The following GLYATL1 variants were observed in gnomAD, a reference collection of about 807,000 sequenced individuals.
The protein encoded by GLYATL1 is glycine N-acyltransferase-like protein 1.
A neutral mutation model predicts 20.0 loss-of-function variants in GLYATL1; 15 were observed. The observed-to-expected ratio is 0.75, with a 90% CI of 0.50 to 1.15. GLYATL1 has a LOEUF of 1.15. GLYATL1 is among the 50% of genes most tolerant of loss of function. GLYATL1 has a pLI of 0.00. For synonymous variants in GLYATL1, 151 were observed against 131.5 expected (o/e 1.15, Z -1.01); for missense variants, 380 against 368.5 (o/e 1.03, Z -0.26).
chr11:58,946,731 T>C (rs1377077872), intron 2 of GLYATL1: 8 of 363,220 alleles, frequency 2.2e-5, no homozygotes, highest in African/African-American at 6.3e-5. Context: ...AAACTTATGA[T>C]GGTAGTGGTG....
downstream of GLYATL1, among the ~76,000 whole-genome samples, chr11:58,910,239 G>A (rs79569081): frequency 6.7e-3 from 1,017 of 152,234 alleles, 10 homozygotes; most frequent in African/African-American, 0.023. Context: ...AATTCCATGT[G>A]TAGGTTTCTG....
Position 58,915,562 on chromosome 11 carries a change from G to A in GLYATL1, n.264+9901G>A, listed in dbSNP as rs116242833. Among the ~76,000 whole-genome samples, 842 of 152,190 alleles carry A rather than the reference G, an allele frequency of 5.5e-3. 9 individuals are homozygous for A. The highest frequency in any genetic ancestry group is 0.02 in the African/African-American group (810 of 41,502). ...AGGAATTCTCAAAGCCTGGCCCCTG[G>A]GCCAGCAAGATCAACACAATCTGAA... On this transcript the variant is annotated intron_variant and non_coding_transcript_variant, in intron 1 of 2. Transcript: ENST00000534674.
At chr11:58,942,171 G>A (rs1451990205) in intron 1 of GLYATL1, among the ~76,000 whole-genome samples, 1 of 152,180 alleles carries the variant, frequency 6.6e-6, no homozygotes, top group Non-Finnish European at 1.5e-5. Flanking sequence ...CAACAGATGT[G>A]TGTTGAAGCC....
At chr11:58,929,338 T>A (rs1358876327) in intron 1 of GLYATL1, among the ~76,000 whole-genome samples, 2 of 152,228 alleles carry the variant, frequency 1.3e-5, no homozygotes, top group African/African-American at 4.8e-5. Flanking sequence ...TACCAAACTC[T>A]TCTTCTATGT....
upstream of GLYATL1, among the ~76,000 whole-genome samples, chr11:58,937,893 G>T (rs1394898148): frequency 2.6e-5 from 4 of 152,236 alleles, no homozygotes; most frequent in Admixed American, 1.3e-4. Context: ...TACACAGAGG[G>T]TGGGGCTCCA....
intron 1 of GLYATL1, among the ~76,000 whole-genome samples, chr11:58,917,499 A>C (rs1855202983): frequency 6.6e-6 from 1 of 152,228 alleles, no homozygotes; most frequent in Admixed American, 6.5e-5. Flanking sequence ...AGGCAGAAGA[A>C]AGGCAGTTAA....
At chr11:58,923,860 T>C (rs1855364303), upstream of GLYATL1, among the ~76,000 whole-genome samples, 1 of 152,240 alleles carries the variant, frequency 6.6e-6, no homozygotes, top group Non-Finnish European at 1.5e-5. Context: ...CTACATAGAT[T>C]ACCTGTCACC....
chr11:58,926,307 A>G (rs1030538436), upstream of GLYATL1, among the ~76,000 whole-genome samples: 4 of 152,316 alleles, frequency 2.6e-5, 1 homozygote, highest in Admixed American at 1.3e-4. Context: ...CCTAGCAGTG[A>G]TGTCATCACC....
chr11:58,948,788 C>T (rs1856768543), intron 4 of GLYATL1, among the ~76,000 whole-genome samples: 1 of 152,222 alleles, frequency 6.6e-6, no homozygotes, highest in Non-Finnish European at 1.5e-5. Context: ...TTAATATCTC[C>T]AATTTACAGA....
At chr11:58,949,892 T>G (rs1267525651) in intron 4 of GLYATL1, among the ~76,000 whole-genome samples, 1 of 151,962 alleles carries the variant, frequency 6.6e-6, no homozygotes, top group Admixed American at 6.6e-5. Flanking sequence ...AGATAATCTA[T>G]GTTGATTATA....
chr11:58,921,757 C>T (rs117061742), intron 1 of GLYATL1, among the ~76,000 whole-genome samples: 5 of 152,294 alleles, frequency 3.3e-5, no homozygotes, highest in Non-Finnish European at 7.4e-5. Flanking sequence ...CCTTCTTTGC[C>T]TTCTGATCTC....
intron 1 of GLYATL1, among the ~76,000 whole-genome samples, chr11:58,917,684 C>T (rs1855207784): frequency 6.6e-6 from 1 of 152,212 alleles, no homozygotes; most frequent in African/African-American, 2.4e-5. Context: ...ATGACCTTCA[C>T]TTGCTGCATA....
chr11:58,938,768 C>G (rs907977901), upstream of GLYATL1, among the ~76,000 whole-genome samples: 1 of 152,172 alleles, frequency 6.6e-6, no homozygotes, highest in Non-Finnish European at 1.5e-5. Flanking sequence ...AGCCGTATCC[C>G]TCTGCACCCC....
At chr11:58,929,704 G>C (rs559402062) in intron 1 of GLYATL1, among the ~76,000 whole-genome samples, 1 of 152,278 alleles carries the variant, frequency 6.6e-6, no homozygotes, top group African/African-American at 2.4e-5. Flanking sequence ...CTCAGACCTA[G>C]GTAATTTCCT....
intron 1 of GLYATL1, among the ~76,000 whole-genome samples, chr11:58,922,260 C>A (rs1372657281): frequency 1.3e-5 from 2 of 152,212 alleles, no homozygotes; most frequent in African/African-American, 4.8e-5. Flanking sequence ...CTGTTTCAGT[C>A]TGGCCCAGTT....
intron 1 of GLYATL1, among the ~76,000 whole-genome samples, chr11:58,931,328 T>G (rs1320487344): frequency 6.6e-6 from 1 of 152,192 alleles, no homozygotes; most frequent in Non-Finnish European, 1.5e-5. Context: ...TGATCACATT[T>G]TAACTAAGTT....
At chr11:58,953,405 T>TC (rs1481739884) in intron 4 of GLYATL1, among the ~76,000 whole-genome samples, 5 of 151,338 alleles carry the variant, frequency 3.3e-5, no homozygotes, top group South Asian at 2.1e-4. Flanking sequence ...TTTTTTTTTT[T>TC]TGCTTTTTTC....
At chr11:58,933,331 T>G (rs1022647731) in intron 1 of GLYATL1, among the ~76,000 whole-genome samples, 40 of 152,150 alleles carry the variant, frequency 2.6e-4, no homozygotes, top group African/African-American at 9.7e-4. Flanking sequence ...AGGAAATCAC[T>G]ATTCCTATAA....
intron 5 of GLYATL1, 23 bp from the exon 6 acceptor site, chr11:58,955,153 T>A: frequency 6.2e-7 from 1 of 1,605,952 alleles, no homozygotes; most frequent in African/African-American, 1.3e-5. Flanking sequence ...CTGACAAGAT[T>A]GCTTTCTTGG....
Sources: gnomAD v4.1 joint callset for allele counts (sites outside exome capture counted in the v4.1 genomes callset) on GRCh38, gnomAD v4.1.1 for gene constraint, MANE v1.5 for transcripts, NCBI Gene and HGNC (gene_info 2026-07-23, HGNC 2026-07-21) for gene names.